BBS9: variants seen among roughly 807,000 people sequenced by gnomAD.
BBS9 encodes protein PTHB1.
In BBS9, 89 loss-of-function variants were observed where a neutral mutation model predicts 117.7. The observed-to-expected ratio is 0.76, with a 90% CI of 0.64 to 0.90. BBS9 has a LOEUF of 0.90. Among genes scored for constraint, BBS9 ranks in the 40% least tolerant of loss-of-function variants. The pLI, the probability that BBS9 is intolerant of heterozygous loss-of-function variation, is 0.00. For synonymous variants in BBS9, 379 were observed against 370.9 expected (o/e 1.02, Z -0.25); for missense variants, 982 against 1,042.2 (o/e 0.94, Z 0.80).
chr7:33,271,813 T>C (rs1185003281), intron 7 of BBS9, among the ~76,000 whole-genome samples: 2 of 152,046 alleles, frequency 1.3e-5, no homozygotes, highest in Non-Finnish European at 2.9e-5. Context: ...GGCAGAAAAT[T>C]AACAAAGATA....
chr7:33,250,216 G>A (rs77781204), intron 5 of BBS9, among the ~76,000 whole-genome samples: 1,854 of 152,216 alleles, frequency 0.012, 16 homozygotes, highest in Non-Finnish European at 0.018. Context: ...CAGTCTTCTC[G>A]TGTATAAAAT....
intron 19 of BBS9, chr7:33,390,681 A>C: frequency 1.2e-6 from 1 of 828,418 alleles, no homozygotes; most frequent in Non-Finnish European, 1.5e-6. Flanking sequence ...CATACTTAAC[A>C]CATGAATATA....
rs149755587 is a variant in BBS9 at position 33,494,338 on chromosome 7, T to C, written c.2116-11125T>C. On this transcript the variant is annotated intron_variant, in intron 19 of 22. Transcript: ENST00000242067. ...ACGAGGAGGATGAGAAACCCTGCTC[T>C]AGAGTGCACTTAAAACTGACGCACA... Among the ~76,000 whole-genome samples the C allele has an allele frequency of 2.4e-3, 363 of 152,330 alleles. 2 individuals are homozygous for C. Among genetic ancestry groups the C allele is most frequent in the African/African-American group, 8.3e-3 (345 of 41,560 alleles).
intron 9 of BBS9, among the ~76,000 whole-genome samples, chr7:33,280,291 T>C (rs1801562591): frequency 6.6e-6 from 1 of 152,158 alleles, no homozygotes; most frequent in African/African-American, 2.4e-5. Context: ...GTCAGCATAG[T>C]ACCCAATAAG....
chr7:33,571,501 G>A (rs1057439799), intron 21 of BBS9, among the ~76,000 whole-genome samples: 1 of 152,018 alleles, frequency 6.6e-6, no homozygotes, highest in Non-Finnish European at 1.5e-5. Flanking sequence ...GATGTTTTAA[G>A]CTCATTAAAT....
chr7:33,607,193 C>T (rs1464764270), downstream of BBS9, among the ~76,000 whole-genome samples: 1 of 152,124 alleles, frequency 6.6e-6, no homozygotes, highest in Non-Finnish European at 1.5e-5. Flanking sequence ...AAAAGGTCAA[C>T]TAATCTCCTA....
intron 6 of BBS9, among the ~76,000 whole-genome samples, chr7:33,261,520 G>C (rs764130713): frequency 6.6e-6 from 1 of 152,128 alleles, no homozygotes; most frequent in East Asian, 1.9e-4. Flanking sequence ...TCTGTGTCTC[G>C]AGCTTCCATT....
intron 5 of BBS9, among the ~76,000 whole-genome samples, chr7:33,219,855 G>T (rs1197234885): frequency 6.6e-6 from 1 of 152,032 alleles, no homozygotes; most frequent in African/African-American, 2.4e-5. Flanking sequence ...TTGTTCTTTC[G>T]CTCTTTGCAA....
At chr7:33,262,699 G>A (rs1225094903) in intron 6 of BBS9, among the ~76,000 whole-genome samples, 2 of 152,114 alleles carry the variant, frequency 1.3e-5, no homozygotes, top group African/African-American at 4.8e-5. Context: ...TCCCTGTCAT[G>A]CATCTCTCCT....
intron 5 of BBS9, among the ~76,000 whole-genome samples, chr7:33,244,935 G>C (rs528401397): frequency 6.6e-6 from 1 of 152,228 alleles, no homozygotes; most frequent in East Asian, 1.9e-4. Context: ...TGGAAACAGG[G>C]AACAGTCAGG....
intron 21 of BBS9, among the ~76,000 whole-genome samples, chr7:33,562,819 G>T (rs2129118529): frequency 6.6e-6 from 1 of 152,248 alleles, no homozygotes; most frequent in Non-Finnish European, 1.5e-5. Flanking sequence ...AGCTACTCGG[G>T]AAGCTGAGGC....
intron 6 of BBS9, among the ~76,000 whole-genome samples, chr7:33,258,049 A>G (rs1797374317): frequency 6.6e-6 from 1 of 152,204 alleles, no homozygotes; most frequent in South Asian, 2.1e-4. Flanking sequence ...TTTCTTCTCC[A>G]CCAGCTAGAT....
intron 19 of BBS9, among the ~76,000 whole-genome samples, chr7:33,478,325 C>T (rs1842071002): frequency 6.6e-6 from 1 of 152,050 alleles, no homozygotes; most frequent in Admixed American, 6.6e-5. Flanking sequence ...AGGTTATAAA[C>T]CTCTAAGCTA....
At chr7:33,577,659 C>T (rs954353624) in intron 21 of BBS9, among the ~76,000 whole-genome samples, 3 of 152,200 alleles carry the variant, frequency 2.0e-5, no homozygotes, top group Non-Finnish European at 4.4e-5. Context: ...ACCCAAATAT[C>T]CATCAGTGAT....
downstream of BBS9, among the ~76,000 whole-genome samples, chr7:33,609,343 G>T (rs115685686): frequency 8.9e-3 from 1,360 of 152,098 alleles, 74 homozygotes; most frequent in Admixed American, 0.082. Flanking sequence ...ATGTTCATGC[G>T]ATTTACTCTT....
intron 7 of BBS9, among the ~76,000 whole-genome samples, chr7:33,270,367 G>C (rs1013609506): frequency 3.9e-5 from 6 of 152,154 alleles, no homozygotes; most frequent in African/African-American, 1.2e-4. Flanking sequence ...GGCTGAGATG[G>C]CTAAAATGAC....
rs140069014 is a variant in BBS9, at chr7:33,341,473, C to G, written c.1275+500C>G. On this transcript the variant is annotated intron_variant, in intron 11 of 22. Coordinates refer to ENST00000242067, the MANE Select transcript of BBS9 (RefSeq NM_198428.3). ...GTTGGTCCAATACTTAATTTTTCCC[C>G]TGTTTCTATCTGTGTGACACAAGGC... Among the ~76,000 whole-genome samples the G allele has an allele frequency of 1.2e-4, 19 of 152,036 alleles. No individual in the cohort carries two copies. The East Asian group carries it at 3.5e-3, about 28-fold the overall frequency.
chr7:33,414,203 A>G (rs1261390651), intron 19 of BBS9, among the ~76,000 whole-genome samples: 2 of 152,176 alleles, frequency 1.3e-5, no homozygotes, highest in Non-Finnish European at 2.9e-5. Flanking sequence ...TCAGGCCTAC[A>G]CATATCTTCA....
At chr7:33,276,522 C>G (rs966449234) in intron 9 of BBS9, among the ~76,000 whole-genome samples, 1 of 152,182 alleles carries the variant, frequency 6.6e-6, no homozygotes, top group African/African-American at 2.4e-5. Context: ...GGTAAGGGAG[C>G]TTCCAGTTTT....
Sources: gnomAD v4.1 joint callset for allele counts (sites outside exome capture counted in the v4.1 genomes callset) on GRCh38, gnomAD v4.1.1 for gene constraint, MANE v1.5 for transcripts, NCBI Gene and HGNC (gene_info 2026-07-23, HGNC 2026-07-21) for gene names.